CALN1: variants seen among roughly 807,000 people sequenced by gnomAD.
CALN1 encodes the protein calcium-binding protein 8.
CALN1 carries 17 observed loss-of-function variants against 30.6 expected under a neutral mutation model. That is an observed-to-expected ratio of 0.56 (90% CI 0.38 to 0.83). The LOEUF is 0.83. Ranked by LOEUF, CALN1 falls within the 40% of genes least tolerant of loss-of-function variation. CALN1 has a pLI of 0.00. For missense variants in CALN1, 291 were observed against 354.9 expected (o/e 0.82, Z 1.45); for synonymous variants, 156 against 131.4 (o/e 1.19, Z -1.28).
chr7:72,443,809 G>C (rs1055451624), intron 1 of CALN1, among the ~76,000 whole-genome samples: 1 of 151,228 alleles, frequency 6.6e-6, no homozygotes, highest in Non-Finnish European at 1.5e-5. Context: ...GTTAGGTGGT[G>C]GTATTCACTT....
Position 71,779,874 on chromosome 7 carries a change from C to T in CALN1, c.*7901G>A, listed in dbSNP as rs2115723963. On this transcript the variant is annotated 3_prime_UTR_variant, in exon 7 of 7. Transcript: ENST00000395275. ...GGCTTATTCTGGATATGAGAGCTGC[C>T]AAGCTCCAATCGTCCTGGCCATGAT... 2 of 152,254 alleles carry T rather than the reference C, an allele frequency of 1.3e-5. No individual in the cohort carries two copies. The highest frequency in any genetic ancestry group is 6.8e-3 in the Middle Eastern group (2 of 294). The allele number at this position is 152,254 out of a possible 1,614,324, so 9.4% of individuals were successfully genotyped here.
At chr7:72,081,355 T>TC (rs1189718446) in intron 4 of CALN1, among the ~76,000 whole-genome samples, 1 of 145,826 alleles carries the variant, frequency 6.9e-6, no homozygotes, top group Non-Finnish European at 1.5e-5. Flanking sequence ...CAAGACCCTA[T>TC]CTCCCTCACC....
chr7:72,047,763 C>G (rs1052501192), intron 4 of CALN1, among the ~76,000 whole-genome samples: 1 of 152,148 alleles, frequency 6.6e-6, no homozygotes. Flanking sequence ...AGCCATCGTG[C>G]TCGGCCTTGG....
intron 2 of CALN1, among the ~76,000 whole-genome samples, chr7:72,290,015 C>T (rs766715705): frequency 1.5e-5 from 2 of 129,452 alleles, no homozygotes; most frequent in Non-Finnish European, 3.1e-5. Context: ...AAGTTCAAGG[C>T]TGCAGTGAGC....
At chr7:71,803,384 T>C (rs552796421) in intron 6 of CALN1, among the ~76,000 whole-genome samples, 2 of 152,294 alleles carry the variant, frequency 1.3e-5, no homozygotes, top group African/African-American at 4.8e-5. Flanking sequence ...AGGGTTTCTG[T>C]AGGGAATTCC....
chr7:71,959,516 G>A (rs917354522), intron 5 of CALN1, among the ~76,000 whole-genome samples: 1 of 152,086 alleles, frequency 6.6e-6, no homozygotes, highest in East Asian at 1.9e-4. Flanking sequence ...AGAGCATAGG[G>A]GTATACCAGT....
chr7:72,343,440 C>T (rs569003435), intron 2 of CALN1, among the ~76,000 whole-genome samples: 5 of 151,780 alleles, frequency 3.3e-5, no homozygotes, highest in African/African-American at 1.2e-4. Flanking sequence ...CCCAGCTACT[C>T]GGAAGACTGA....
At chr7:71,994,519 A>AAAAAAAAAAAAAAAAC (rs1799141639) in intron 5 of CALN1, among the ~76,000 whole-genome samples, 1 of 150,756 alleles carries the variant, frequency 6.6e-6, no homozygotes, top group African/African-American at 2.4e-5. Context: ...CTCAAAAAAA[A>AAAAAAAAAAAAAAAAC]AAAAAAAAAA....
chr7:72,036,853 AT>A (rs58023130), intron 4 of CALN1, among the ~76,000 whole-genome samples: 23 of 143,556 alleles, frequency 1.6e-4, no homozygotes, highest in South Asian at 2.2e-4. Flanking sequence ...ATGCTTTGTG[AT>A]TTTTTTTTTG....
chr7:72,386,531 G>A (rs1223360214), intron 2 of CALN1, among the ~76,000 whole-genome samples: 1 of 152,214 alleles, frequency 6.6e-6, no homozygotes, highest in Non-Finnish European at 1.5e-5. Context: ...GATGGTAGGA[G>A]CCAGATTGCA....
At chr7:72,220,870 G>A (rs1793237352) in intron 3 of CALN1, among the ~76,000 whole-genome samples, 3 of 152,086 alleles carry the variant, frequency 2.0e-5, no homozygotes, top group African/African-American at 2.4e-5. Flanking sequence ...CATGTCCTTC[G>A]CCCACTTTTT....
At chr7:72,098,712 T>TA (rs544228838) in intron 4 of CALN1, among the ~76,000 whole-genome samples, 149 of 149,392 alleles carry the variant, frequency 1.0e-3, no homozygotes, top group African/African-American at 3.6e-3. Context: ...CCTGCCTCTA[T>TA]AAAAAATAAA....
chr7:72,429,043 A>C (rs1271607541), intron 1 of CALN1, among the ~76,000 whole-genome samples: 2 of 152,186 alleles, frequency 1.3e-5, no homozygotes, highest in Non-Finnish European at 2.9e-5. Flanking sequence ...GTACTAAAAC[A>C]AAAACTGACA....
rs567956822 is a variant in CALN1 at position 72,096,419 on chromosome 7, CAA to C, written c.388+9730_388+9731del. Among the ~76,000 whole-genome samples the C allele has an allele frequency of 1.5e-3, 221 of 152,302 alleles. 1 individual carries two copies. The highest frequency in any genetic ancestry group is 5.1e-3 in the African/African-American group (211 of 41,566). ...ACAAGCTCAATGACTTCTCTGTAGC[CAA>C]AGAGTTTTCTTTTAACCAAGGGTCC... On this transcript the variant is annotated intron_variant, in intron 4 of 6. Transcript: ENST00000395275.
chr7:72,417,498 G>A (rs929174467), intron 1 of CALN1, among the ~76,000 whole-genome samples: 1 of 152,190 alleles, frequency 6.6e-6, no homozygotes, highest in South Asian at 2.1e-4. Context: ...CCCCGCTACC[G>A]TGGGCACTTG....
chr7:71,900,057 A>T (rs1000059567), intron 5 of CALN1, among the ~76,000 whole-genome samples: 3 of 152,232 alleles, frequency 2.0e-5, no homozygotes, highest in African/African-American at 7.2e-5. Flanking sequence ...TAAATTTTTT[A>T]AACTTTATCA....
chr7:72,479,571 G>A, the CALN1 span, among the ~76,000 whole-genome samples: 1 of 69,500 alleles, frequency 1.4e-5, no homozygotes, highest in Non-Finnish European at 2.7e-5. Flanking sequence ...TTTTTTTTTT[G>A]AGATGGAGTC....
chr7:72,223,852 C>T (rs1342346334), intron 3 of CALN1, among the ~76,000 whole-genome samples: 1 of 152,168 alleles, frequency 6.6e-6, no homozygotes. Context: ...TCGGCAGCAA[C>T]ATGGAAGCAG....
At chr7:72,255,540 G>A (rs577610121) in intron 3 of CALN1, among the ~76,000 whole-genome samples, 115 of 151,236 alleles carry the variant, frequency 7.6e-4, no homozygotes, top group African/African-American at 2.4e-3. Flanking sequence ...TCAGCTTCCC[G>A]AGTAGCTAGG....
Sources: gnomAD v4.1 joint callset for allele counts (sites outside exome capture counted in the v4.1 genomes callset) on GRCh38, gnomAD v4.1.1 for gene constraint, MANE v1.5 for transcripts, NCBI Gene and HGNC (gene_info 2026-07-23, HGNC 2026-07-21) for gene names.